Variants in KIAA0513 observed in about 807,000 individuals in gnomAD.
The protein encoded by KIAA0513 is uncharacterized protein KIAA0513.
In KIAA0513, 39 loss-of-function variants were observed where a neutral mutation model predicts 56.5. The observed-to-expected ratio is 0.69, with a 90% CI of 0.53 to 0.90. The LOEUF is 0.90. Ranked by LOEUF, KIAA0513 falls within the 40% of genes least tolerant of loss-of-function variation. The probability of loss-of-function intolerance (pLI) is 0.00; values close to 1 mark genes in which losing one functional copy is unlikely to be tolerated. For synonymous variants in KIAA0513, 268 were observed against 215.6 expected (o/e 1.24, Z -2.13); for missense variants, 591 against 535.2 (o/e 1.10, Z -1.03).
rs185002418 is a variant in KIAA0513 at position 85,089,343 on chromosome 16, C to T, written c.*1018C>T. 6.6e-6 allele frequency: 1 copy of T among 152,506 alleles called. No individual in the cohort carries two copies. The highest frequency in any genetic ancestry group is 1.9e-4 in the East Asian group (1 of 5,180). The allele number at this position is 152,506 out of a possible 1,614,324, so 9.4% of individuals were successfully genotyped here. The stretch of plus-strand genomic sequence containing the variant: ...GGCAAGCCAGTGGCGTGGCCTCTGC[C>T]TCTAAGCGCTGAGCATTGGGCCCCT... On this transcript the variant is annotated 3_prime_UTR_variant, in exon 13 of 13. Transcript: ENST00000683363. This position sits in a 1 kb window ranked among gnomAD's most constrained non-coding sequence, Gnocchi z 4.2.
At position 85,079,018 on chromosome 16, in the gene KIAA0513, G is replaced by C; in HGVS notation, c.902+15G>C. The stretch of plus-strand genomic sequence containing the variant: ...CAGCCCATCTGGTAAGGCCGAGCCC[G>C]CGGCTTCCCGTCACCCTCTTACTGA... On this transcript the variant is annotated intron_variant, in intron 8 of 12. Transcript: ENST00000683363. 1 of 1,613,814 alleles carries C rather than the reference G, an allele frequency of 6.2e-7. No homozygotes were observed. The highest frequency in any genetic ancestry group is 8.5e-7 in the Non-Finnish European group (1 of 1,179,860).
chr16:85,061,695 C>G (rs969860719), intron 1 of KIAA0513, among the ~76,000 whole-genome samples: 1 of 152,140 alleles, frequency 6.6e-6, no homozygotes, highest in Non-Finnish European at 1.5e-5. Context: ...CTGGTTGTTC[C>G]GGGATGCTGG....
chr16:85,081,543 T>A lies in KIAA0513; in HGVS notation c.980+151T>A, dbSNP rs2073744322. ...CTCATGGCCCTGGTGCCTCGCAAGCTGCCTGAGGGGTCACAGCTTCATGGG... is the reference window on the plus strand; with the variant it reads ...CTCATGGCCCTGGTGCCTCGCAAGCAGCCTGAGGGGTCACAGCTTCATGGG... On this transcript the variant is annotated intron_variant, in intron 9 of 12. Coordinates refer to ENST00000683363, the MANE Select transcript of KIAA0513 (RefSeq NM_001388359.1). The surrounding 1 kb of genome is among the most constrained non-coding windows in gnomAD (Gnocchi z 4.4). The A allele has an allele frequency of 2.8e-6, 2 of 716,984 alleles. No individual in the cohort carries two copies. The highest frequency in any genetic ancestry group is 4.9e-6 in the Non-Finnish European group (2 of 408,518). 44.4% of individuals were successfully genotyped at this position (716,984 alleles called of 1,614,324 possible).
At chr16:85,033,434 A>G (rs1444306116) in intron 1 of KIAA0513, among the ~76,000 whole-genome samples, 1 of 152,220 alleles carries the variant, frequency 6.6e-6, no homozygotes, top group Non-Finnish European at 1.5e-5. Context: ...TAGTGGAGGA[A>G]CAGCTCATCG....
intron 1 of KIAA0513, among the ~76,000 whole-genome samples, chr16:85,031,775 A>G (rs1367863233): frequency 6.6e-6 from 1 of 152,166 alleles, no homozygotes; most frequent in African/African-American, 2.4e-5. Context: ...ACCTTCCCTA[A>G]TAGTCAAAAT....
At chr16:85,073,561 C>A (rs2073610643) in intron 4 of KIAA0513, among the ~76,000 whole-genome samples, 1 of 152,210 alleles carries the variant, frequency 6.6e-6, no homozygotes, top group African/African-American at 2.4e-5. Flanking sequence ...GATTAGGGAG[C>A]CAGACCCCAT....
At position 85,081,318 on chromosome 16, in the gene KIAA0513, C is replaced by T. The variant is rs753540393; in HGVS notation, c.906C>T (p.His302=). Residue 302 remains histidine, a synonymous_variant, in exon 9 of 13, where the codon CAC becomes CAT. Coordinates refer to ENST00000683363, the MANE Select transcript of KIAA0513 (RefSeq NM_001388359.1). The surrounding 1 kb of genome is among the most constrained non-coding windows in gnomAD (Gnocchi z 4.4). ...TGACTGGGGCTCTGTCTTGCAGGCACACTCTGAGGTTCTGGAATGCAGCCT... is the reference window on the plus strand; with the variant it reads ...TGACTGGGGCTCTGTCTTGCAGGCATACTCTGAGGTTCTGGAATGCAGCCT... The part of the protein sequence containing the change: ...YTHLKQQPIW[H]TLRFWNAAFF... 34 of 1,612,524 alleles carry T rather than the reference C, an allele frequency of 2.1e-5. No homozygotes were observed. The highest frequency in any genetic ancestry group is 6.7e-5 in the Admixed American group (4 of 59,830).
At chr16:85,070,735 G>A (rs890426494) in intron 2 of KIAA0513, among the ~76,000 whole-genome samples, 1 of 152,204 alleles carries the variant, frequency 6.6e-6, no homozygotes, top group African/African-American at 2.4e-5. Context: ...CATTTTAGGA[G>A]AGCAGATGTA....
intron 1 of KIAA0513, among the ~76,000 whole-genome samples, chr16:85,032,692 A>C (rs2072981986): frequency 1.3e-5 from 2 of 151,736 alleles, no homozygotes; most frequent in African/African-American, 4.8e-5. Flanking sequence ...GTGCGGTGGC[A>C]CAATCTTGGC....
intron 1 of KIAA0513, among the ~76,000 whole-genome samples, chr16:85,060,284 G>A (rs2073385541): frequency 6.6e-6 from 1 of 152,188 alleles, no homozygotes; most frequent in Admixed American, 6.5e-5. Context: ...TTGTGATGGA[G>A]CTGAGACTCA....
rs1266240325 is a variant in KIAA0513 at position 85,077,415 on chromosome 16, C to G, written c.575-10C>G. On this transcript the variant is annotated splice_polypyrimidine_tract_variant and intron_variant, in intron 5 of 12. Transcript: ENST00000683363. ...TCACTGGCCTCGTCTTGTTCCCTCT[C>G]TCATCCAAGGAAAACCACAGCTGCT... 14 of 1,613,476 alleles carry G rather than the reference C, an allele frequency of 8.7e-6. No individual in the cohort carries two copies. The highest frequency in any genetic ancestry group is 1.2e-5 in the Non-Finnish European group (14 of 1,179,656).
intron 10 of KIAA0513, among the ~76,000 whole-genome samples, chr16:85,085,929 A>G (rs2073802758): frequency 6.6e-6 from 1 of 152,176 alleles, no homozygotes. Flanking sequence ...GGTCCATAGC[A>G]TTCACAGGGT....
intron 1 of KIAA0513, among the ~76,000 whole-genome samples, chr16:85,053,033 G>A (rs576997517): frequency 2.6e-4 from 40 of 152,118 alleles, no homozygotes; most frequent in African/African-American, 8.4e-4. Context: ...GATTACAGGT[G>A]CCCACCACCA....
chr16:85,059,291 C>G (rs538184540), intron 1 of KIAA0513, among the ~76,000 whole-genome samples: 126 of 152,312 alleles, frequency 8.3e-4, no homozygotes, highest in African/African-American at 2.8e-3. Flanking sequence ...AAAAATTGAT[C>G]TATGCTGTGG....
chr16:85,093,650 G>C lies in KIAA0513; in HGVS notation c.*5325G>C, dbSNP rs985082211. On this transcript the variant is annotated 3_prime_UTR_variant, in exon 13 of 13. Coordinates refer to ENST00000683363, the MANE Select transcript of KIAA0513 (RefSeq NM_001388359.1). ...TGCACTCTGGGAGGTGCAGCCCTAA[G>C]GGGTGGACTCCAGATCTCCCTGCAA... is the stretch of plus-strand genomic sequence containing the variant. The C allele has an allele frequency of 1.3e-5, 2 of 152,396 alleles. No individual in the cohort carries two copies. The highest frequency in any genetic ancestry group is 4.8e-5 in the African/African-American group (2 of 41,466). The allele number at this position is 152,396 out of a possible 1,614,324, so 9.4% of individuals were successfully genotyped here.
chr16:85,041,638 C>T (rs1419926693), intron 1 of KIAA0513, among the ~76,000 whole-genome samples: 2 of 152,182 alleles, frequency 1.3e-5, no homozygotes, highest in South Asian at 2.1e-4. Context: ...GGCGCTGCCT[C>T]CATCCGTAAG....
intron 1 of KIAA0513, among the ~76,000 whole-genome samples, chr16:85,028,407 C>T (rs1317870752): frequency 1.3e-5 from 2 of 152,176 alleles, no homozygotes; most frequent in African/African-American, 4.8e-5. Flanking sequence ...GAGAAAGGGG[C>T]TTCCTGGCCT....
chr16:85,080,322 C>A (rs149607135), intron 8 of KIAA0513, among the ~76,000 whole-genome samples: 1 of 152,150 alleles, frequency 6.6e-6, no homozygotes, highest in African/African-American at 2.4e-5. Context: ...TTAGACTTTG[C>A]GGGCCAGATG....
At chr16:85,054,890 T>C (rs1013244276) in intron 1 of KIAA0513, among the ~76,000 whole-genome samples, 1 of 152,190 alleles carries the variant, frequency 6.6e-6, no homozygotes. Flanking sequence ...TGAGGGTTCA[T>C]TGAACGGCAT....
Sources: gnomAD v4.1 joint callset for allele counts (sites outside exome capture counted in the v4.1 genomes callset) on GRCh38, gnomAD v4.1.1 for gene constraint, Gnocchi (gnomAD v3.1) non-coding constraint, MANE v1.5 for transcripts, NCBI Gene and HGNC (gene_info 2026-07-23, HGNC 2026-07-21) for gene names.